The following SRGAP3 variants were observed in gnomAD, a reference collection of about 807,000 sequenced individuals.
SRGAP3 encodes the protein SLIT-ROBO Rho GTPase-activating protein 3.
SRGAP3 carries 39 observed loss-of-function variants against 121.1 expected under a neutral mutation model. The observed-to-expected ratio is 0.32, with a 90% CI of 0.25 to 0.42. The LOEUF (loss-of-function observed/expected upper bound fraction) is 0.42. SRGAP3 is among the 10% of genes least tolerant of loss of function. The probability of loss-of-function intolerance (pLI) is 1.00; values close to 1 mark genes in which losing one functional copy is unlikely to be tolerated. For missense variants in SRGAP3, 1,213 were observed against 1,470.6 expected, an observed-to-expected ratio of 0.82 and a Z score of 2.86; for synonymous variants, 601 against 570.0, an observed-to-expected ratio of 1.05 and a Z score of -0.77.
intron 3 of SRGAP3, among the ~76,000 whole-genome samples, chr3:9,288,851 CA>C (rs768534813): frequency 1.1e-4 from 16 of 152,144 alleles, no homozygotes; most frequent in Non-Finnish European, 2.2e-4. Context: ...GCTGGGATTA[CA>C]GGTATGAGCC....
intron 4 of SRGAP3, among the ~76,000 whole-genome samples, chr3:9,078,699 T>C (rs1047004390): frequency 3.3e-5 from 5 of 152,206 alleles, no homozygotes; most frequent in African/African-American, 1.2e-4. Flanking sequence ...TCAAAATCTG[T>C]GCCTTAACCC....
At chr3:9,129,827 T>C (rs1949377408) in intron 1 of SRGAP3, among the ~76,000 whole-genome samples, 1 of 151,752 alleles carries the variant, frequency 6.6e-6, no homozygotes, top group African/African-American at 2.4e-5. Context: ...AGTGGCGCCA[T>C]CTCAACTCAC....
intron 2 of SRGAP3, among the ~76,000 whole-genome samples, chr3:9,111,309 C>G (rs1271624906): frequency 6.6e-6 from 1 of 152,130 alleles, no homozygotes; most frequent in Non-Finnish European, 1.5e-5. Context: ...AAAGTGTCCC[C>G]AAGGAAGAGG....
chr3:9,233,615 G>A (rs997292336), intron 1 of SRGAP3, among the ~76,000 whole-genome samples: 1 of 152,128 alleles, frequency 6.6e-6, no homozygotes. Context: ...TTCTCTAAAT[G>A]GAAAGATGGT....
chr3:9,248,755 CAAA>C (rs1460768809), intron 1 of SRGAP3, 127 bp downstream of exon 1: 2 of 987,102 alleles, frequency 2.0e-6, no homozygotes, highest in African/African-American at 3.2e-5. Context: ...TTACTCCTCA[CAAA>C]AAGATTATTG....
At chr3:9,345,942 TA>T (rs1955883395) in intron 1 of SRGAP3, among the ~76,000 whole-genome samples, 1 of 152,230 alleles carries the variant, frequency 6.6e-6, no homozygotes, top group African/African-American at 2.4e-5. Flanking sequence ...AAGAGATTTT[TA>T]AATCCAAGTT....
intron 3 of SRGAP3, among the ~76,000 whole-genome samples, chr3:9,298,430 A>G (rs184488485): frequency 4.4e-4 from 67 of 152,304 alleles, no homozygotes; most frequent in African/African-American, 1.6e-3. Flanking sequence ...TCTCTTCAAA[A>G]CACCCTACAT....
chr3:9,182,948 G>A (rs368488881), intron 1 of SRGAP3, among the ~76,000 whole-genome samples: 8 of 152,170 alleles, frequency 5.3e-5, no homozygotes, highest in Middle Eastern at 3.4e-3. Context: ...GAGAGCCACC[G>A]TGACCAGCCC....
intron 1 of SRGAP3, among the ~76,000 whole-genome samples, chr3:9,202,892 CCTTTT>C (rs1179684546): frequency 3.9e-5 from 6 of 152,206 alleles, no homozygotes; most frequent in African/African-American, 1.4e-4. Flanking sequence ...TCCTTCCTTT[CCTTTT>C]GTGGGAAAAC....
intron 1 of SRGAP3, among the ~76,000 whole-genome samples, chr3:9,182,345 G>A (rs1951440882): frequency 6.6e-6 from 1 of 152,038 alleles, no homozygotes. Context: ...TGTAAAAAGG[G>A]GAAATTTGGA....
At chr3:9,283,957 G>A (rs558734698) in intron 3 of SRGAP3, among the ~76,000 whole-genome samples, 1 of 152,260 alleles carries the variant, frequency 6.6e-6, no homozygotes, top group East Asian at 1.9e-4. Flanking sequence ...TTATAGACAA[G>A]AATTATTTTG....
At chr3:9,301,268 G>A (rs760148879) in intron 3 of SRGAP3, among the ~76,000 whole-genome samples, 1 of 152,212 alleles carries the variant, frequency 6.6e-6, no homozygotes, top group African/African-American at 2.4e-5. Flanking sequence ...CAGATAGACT[G>A]GCCTGAGTCA....
chr3:8,987,715 G>A (rs924253733), intron 21 of SRGAP3, among the ~76,000 whole-genome samples: 2 of 126,240 alleles, frequency 1.6e-5, no homozygotes, highest in Non-Finnish European at 3.0e-5. Context: ...TTCATCCGTT[G>A]CCCCAGAACA....
chr3:9,178,989 C>T (rs1189924023), intron 1 of SRGAP3, among the ~76,000 whole-genome samples: 1 of 152,184 alleles, frequency 6.6e-6, no homozygotes, highest in Non-Finnish European at 1.5e-5. Flanking sequence ...TCTTACCTGA[C>T]CCCATTCTCC....
rs1279431838 is a variant in SRGAP3, at chr3:9,239,220, A to G, written c.67+9665T>C. ...CATGGTGATACCCTGTCTCTACTAA[A>G]AATACAAAAATTAGCTGGACGTAGT... is the stretch of plus-strand genomic sequence containing the variant. On this transcript the variant is annotated intron_variant, in intron 1 of 21. Transcript: ENST00000383836. The surrounding 1 kb of genome is among the most constrained non-coding windows in gnomAD (Gnocchi z 4.0). 6.6e-6 allele frequency among the ~76,000 whole-genome samples: 1 copy of G among 152,130 alleles called. No individual in the cohort carries two copies. Among genetic ancestry groups the G allele is most frequent in the Non-Finnish European group, 1.5e-5 (1 of 68,022 alleles).
At chr3:9,052,037 CAT>C (rs1425592558) in intron 9 of SRGAP3, among the ~76,000 whole-genome samples, 4 of 152,180 alleles carry the variant, frequency 2.6e-5, no homozygotes, top group African/African-American at 9.6e-5. Flanking sequence ...CTGTGTTGGG[CAT>C]ACCACTGCTC....
chr3:9,340,689 G>A (rs1028060215), intron 1 of SRGAP3, among the ~76,000 whole-genome samples: 2 of 152,262 alleles, frequency 1.3e-5, no homozygotes, highest in East Asian at 3.9e-4. Flanking sequence ...GGAAGATCTA[G>A]AAACAATAAA....
intron 3 of SRGAP3, among the ~76,000 whole-genome samples, chr3:9,325,212 A>G (rs1955498074): frequency 6.6e-6 from 1 of 151,792 alleles, no homozygotes; most frequent in Non-Finnish European, 1.5e-5. Context: ...AGAGAGCACT[A>G]AGGAGGCTAT....
intron 1 of SRGAP3, among the ~76,000 whole-genome samples, chr3:9,361,981 A>G (rs959665882): frequency 6.6e-6 from 1 of 151,998 alleles, no homozygotes; most frequent in Non-Finnish European, 1.5e-5. Flanking sequence ...CACATGCACA[A>G]ATTGCTCCTT....
Sources: gnomAD v4.1 joint callset for allele counts (sites outside exome capture counted in the v4.1 genomes callset) on GRCh38, gnomAD v4.1.1 for gene constraint, Gnocchi (gnomAD v3.1) non-coding constraint, MANE v1.5 for transcripts, NCBI Gene and HGNC (gene_info 2026-07-23, HGNC 2026-07-21) for gene names.